Variants in CRACR2A observed in about 807,000 individuals in gnomAD.
The protein encoded by CRACR2A is calcium release activated channel regulator 2A.
Under a neutral mutation model 90.5 loss-of-function variants are expected in CRACR2A, and 79 were observed. The ratio of observed to expected loss-of-function variants is 0.87; its 90% confidence interval spans 0.73 to 1.05. The LOEUF is 1.05. Among genes scored for constraint, CRACR2A ranks in the 50% least tolerant of loss-of-function variants. The pLI, the probability that CRACR2A is intolerant of heterozygous loss-of-function variation, is 0.00. For synonymous variants in CRACR2A, 338 were observed against 356.7 expected, an observed-to-expected ratio of 0.95 and a Z score of 0.59; for missense variants, 823 against 897.2, an observed-to-expected ratio of 0.92 and a Z score of 1.06.
rs189559948 is a variant in CRACR2A, at chr12:3,639,009, A to G, written c.1272-555T>C. ...CTGTAAAACGTGGCCCATCTGCTCT[A>G]TTCCCAAATAAGTCAATGCATAAAA... On this transcript the variant is annotated intron_variant, in intron 13 of 19. Coordinates refer to ENST00000440314, the MANE Select transcript of CRACR2A (RefSeq NM_001144958.2). Among the ~76,000 whole-genome samples, 57 of 151,784 alleles carry G rather than the reference A, an allele frequency of 3.8e-4. No homozygotes were observed. In the East Asian group the frequency reaches 9.3e-3, roughly 25 times the overall value.
chr12:3,637,730 C>T (rs534733246), intron 14 of CRACR2A, among the ~76,000 whole-genome samples: 13 of 152,254 alleles, frequency 8.5e-5, no homozygotes, highest in Admixed American at 2.6e-4. Context: ...GACCCGACCC[C>T]GGCCAATGGG....
intron 15 of CRACR2A, among the ~76,000 whole-genome samples, chr12:3,629,483 G>T (rs1944339355): frequency 1.3e-5 from 2 of 152,230 alleles, no homozygotes; most frequent in South Asian, 4.1e-4. Context: ...TAACAACTCA[G>T]GGGAAAGGCC....
chr12:3,646,571 A>G (rs775047182), intron 11 of CRACR2A, among the ~76,000 whole-genome samples: 1 of 152,208 alleles, frequency 6.6e-6, no homozygotes, highest in Non-Finnish European at 1.5e-5. Flanking sequence ...AGTTACCTGC[A>G]TGAGGTGAGC....
intron 17 of CRACR2A, among the ~76,000 whole-genome samples, chr12:3,624,699 C>T (rs946492786): frequency 1.1e-4 from 16 of 152,318 alleles, no homozygotes; most frequent in African/African-American, 3.6e-4. Context: ...CAGGCATCTT[C>T]GGAAATGACT....
chr12:3,702,725 T>C (rs1021691631), intron 3 of CRACR2A, among the ~76,000 whole-genome samples: 3 of 152,198 alleles, frequency 2.0e-5, no homozygotes, highest in Admixed American at 6.5e-5. Flanking sequence ...CTAAGTCCAA[T>C]AGATTCATCT....
chr12:3,631,148 A>C (rs961301346), intron 15 of CRACR2A, among the ~76,000 whole-genome samples: 4 of 152,112 alleles, frequency 2.6e-5, no homozygotes, highest in African/African-American at 9.7e-5. Flanking sequence ...TGTGGCAGGG[A>C]AACTAATTTG....
chr12:3,657,196 T>C (rs1702986203), intron 8 of CRACR2A, among the ~76,000 whole-genome samples: 1 of 152,266 alleles, frequency 6.6e-6, no homozygotes, highest in Admixed American at 6.5e-5. Flanking sequence ...CTTCATTCTT[T>C]TGGATCACTG....
chr12:3,728,196 A>T (rs1946302015), intron 2 of CRACR2A: 1 of 152,214 alleles, frequency 6.6e-6, no homozygotes, highest in Non-Finnish European at 1.5e-5. Flanking sequence ...CAGGCAACGG[A>T]TCCCCAGAAG....
intron 7 of CRACR2A, among the ~76,000 whole-genome samples, chr12:3,672,002 C>T (rs997486815): frequency 3.9e-5 from 6 of 152,188 alleles, no homozygotes; most frequent in Admixed American, 1.3e-4. Context: ...GTAATGGCTA[C>T]ATAAAAATAT....
intron 4 of CRACR2A, among the ~76,000 whole-genome samples, chr12:3,682,005 G>C (rs1435535416): frequency 6.6e-6 from 1 of 152,210 alleles, no homozygotes. Context: ...CAGAATCTCT[G>C]ACTTATCAAC....
intron 4 of CRACR2A, among the ~76,000 whole-genome samples, chr12:3,688,491 A>G (rs2137658747): frequency 6.6e-6 from 1 of 152,258 alleles, no homozygotes; most frequent in South Asian, 2.1e-4. Context: ...CAAAGATCAG[A>G]TGGTTGTGGG....
intron 12 of CRACR2A, 134 bp downstream of exon 12, chr12:3,644,461 C>T (rs1317829303): frequency 2.1e-5 from 19 of 923,230 alleles, no homozygotes; most frequent in Admixed American, 2.1e-5. Flanking sequence ...ATTTGCAAAA[C>T]GTTTTCATGC....
chr12:3,721,889 T>C (rs887758733), intron 2 of CRACR2A, among the ~76,000 whole-genome samples: 2 of 152,080 alleles, frequency 1.3e-5, no homozygotes, highest in African/African-American at 4.8e-5. Context: ...GTCCAGCACG[T>C]GTTTGGAAAA....
At chr12:3,733,911 AC>A (rs1946399243) in intron 1 of CRACR2A, among the ~76,000 whole-genome samples, 1 of 129,794 alleles carries the variant, frequency 7.7e-6, no homozygotes, top group African/African-American at 2.9e-5. Context: ...ACACACACAC[AC>A]TTTTCTCTCC....
At chr12:3,710,990 A>G (rs1369803272) in intron 3 of CRACR2A, among the ~76,000 whole-genome samples, 1 of 152,130 alleles carries the variant, frequency 6.6e-6, no homozygotes, top group Non-Finnish European at 1.5e-5. Context: ...TGATTTCCCC[A>G]ACTCATGTCC....
intron 10 of CRACR2A, among the ~76,000 whole-genome samples, chr12:3,653,233 G>A (rs1163319976): frequency 6.7e-6 from 1 of 149,150 alleles, no homozygotes; most frequent in Non-Finnish European, 1.5e-5. Flanking sequence ...TGCCCACCTT[G>A]GCCTCCCAAA....
intron 1 of CRACR2A, among the ~76,000 whole-genome samples, chr12:3,735,837 G>A (rs781198165): frequency 3.3e-5 from 5 of 152,172 alleles, no homozygotes; most frequent in Non-Finnish European, 7.3e-5. Flanking sequence ...ACCTCCGCAG[G>A]TGAGGCCCAG....
At chr12:3,743,949 G>A (rs887553290) in intron 1 of CRACR2A, among the ~76,000 whole-genome samples, 3 of 152,206 alleles carry the variant, frequency 2.0e-5, no homozygotes, top group Non-Finnish European at 2.9e-5. Context: ...AAGAATGCTC[G>A]CTGGGGAAAT....
intron 9 of CRACR2A, 61 bp from the exon 10 acceptor site, chr12:3,654,460 C>T (rs1005587452): frequency 1.5e-5 from 22 of 1,496,412 alleles, no homozygotes; most frequent in Non-Finnish European, 1.8e-5. Flanking sequence ...GGAGGGCCTG[C>T]CCTGGCCTCA....
Sources: gnomAD v4.1 joint callset for allele counts (sites outside exome capture counted in the v4.1 genomes callset) on GRCh38, gnomAD v4.1.1 for gene constraint, MANE v1.5 for transcripts, NCBI Gene and HGNC (gene_info 2026-07-23, HGNC 2026-07-21) for gene names.